The following MAD2L1BP variants were observed in gnomAD, a reference collection of about 807,000 sequenced individuals.
The protein encoded by MAD2L1BP is MAD2L1-binding protein.
MAD2L1BP carries 22 observed loss-of-function variants against 28.4 expected under a neutral mutation model. The observed-to-expected ratio is 0.77, with a 90% CI of 0.55 to 1.10. The LOEUF is 1.10. Among genes scored for constraint, MAD2L1BP ranks in the 50% least tolerant of loss-of-function variants. The pLI is 0.00. For synonymous variants in MAD2L1BP, 146 were observed against 133.7 expected (o/e 1.09, Z -0.63); for missense variants, 325 against 350.5 (o/e 0.93, Z 0.58).
At chr6:43,635,656 T>G (rs1250502191), upstream of MAD2L1BP, among the ~76,000 whole-genome samples, 1 of 152,246 alleles carries the variant, frequency 6.6e-6, no homozygotes, top group Non-Finnish European at 1.5e-5. Flanking sequence ...GGCTGAGAAC[T>G]CCTGGGTTCC....
upstream of MAD2L1BP, among the ~76,000 whole-genome samples, chr6:43,631,310 G>C (rs1769917483): frequency 6.6e-6 from 1 of 152,174 alleles, no homozygotes; most frequent in Non-Finnish European, 1.5e-5. Flanking sequence ...CTGCTGCTTA[G>C]AGACAGAGAC....
chr6:43,630,105 C>T (rs1302693874), intron 1 of MAD2L1BP, among the ~76,000 whole-genome samples: 2 of 152,192 alleles, frequency 1.3e-5, no homozygotes, highest in Non-Finnish European at 2.9e-5. Flanking sequence ...TCGGGCGGGG[C>T]TAGGGCTCGG....
intron 1 of MAD2L1BP, among the ~76,000 whole-genome samples, 162 bp from the exon 2 acceptor site, chr6:43,636,219 C>T (rs915942763): frequency 6.6e-6 from 1 of 152,206 alleles, no homozygotes; most frequent in Admixed American, 6.5e-5. Flanking sequence ...GATCAGGAAT[C>T]TCTCCCTGCC....
At chr6:43,635,391 G>A (rs562523497), upstream of MAD2L1BP, among the ~76,000 whole-genome samples, 161 of 152,264 alleles carry the variant, frequency 1.1e-3, no homozygotes, top group Non-Finnish European at 1.8e-3. Flanking sequence ...CTCCTTCCCA[G>A]CCCCTACCCT....
At position 43,636,493 on chromosome 6, in the gene MAD2L1BP, C is replaced by T; in HGVS notation, c.159C>T (p.Asp53=). ...LNASEAFCPR[D]CMVPVVFPGP... ...CTTCGGAGGCCTTTTGCCCAAGAGA[C>T]TGCATGGTACCAGTGGTGTTTCCTG... is the stretch of plus-strand genomic sequence containing the variant. Residue 53 remains aspartate (D), a synonymous_variant, in exon 2 of 3, where the codon GAC becomes GAT. Coordinates refer to ENST00000372171, the MANE Select transcript of MAD2L1BP (RefSeq NM_014628.3). 1 of 1,614,234 alleles carries T rather than the reference C, an allele frequency of 6.2e-7. No individual in the cohort carries two copies. The highest frequency in any genetic ancestry group is 8.5e-7 in the Non-Finnish European group (1 of 1,180,056).
chr6:43,630,016 G>A (rs972856871), intron 1 of MAD2L1BP, among the ~76,000 whole-genome samples: 24 of 152,210 alleles, frequency 1.6e-4, no homozygotes, highest in African/African-American at 5.3e-4. Context: ...CCTCCCCTTT[G>A]TTTTGAAGCA....
At chr6:43,639,026 A>G (rs1052441604) in intron 2 of MAD2L1BP, among the ~76,000 whole-genome samples, 13 of 152,050 alleles carry the variant, frequency 8.5e-5, no homozygotes, top group African/African-American at 3.1e-4. Flanking sequence ...TGCCTGTATC[A>G]CCACTTCCTA....
chr6:43,635,489 A>G (rs1296193215), upstream of MAD2L1BP, among the ~76,000 whole-genome samples: 3 of 152,234 alleles, frequency 2.0e-5, no homozygotes, highest in Non-Finnish European at 4.4e-5. Context: ...ATCTACAGGC[A>G]GTGAACCCCT....
At chr6:43,629,858 T>C (rs1769786369) in intron 1 of MAD2L1BP, 2 of 1,432,394 alleles carry the variant, frequency 1.4e-6, no homozygotes, top group Non-Finnish European at 1.9e-6. Context: ...TACCTTTACA[T>C]AGTAGTCACT....
chr6:43,636,677 G>A, intron 2 of MAD2L1BP, 31 bp downstream of exon 2: 1 of 1,601,268 alleles, frequency 6.2e-7, no homozygotes, highest in Admixed American at 1.7e-5. Flanking sequence ...CAAGTTGGTG[G>A]GAAGACTTTG....
intron 2 of MAD2L1BP, 151 bp from the exon 3 acceptor site, chr6:43,639,870 C>G (rs1770467960): frequency 5.8e-6 from 3 of 518,112 alleles, no homozygotes; most frequent in African/African-American, 3.8e-5. Flanking sequence ...ATAATACCCT[C>G]TGATAAAACA....
exon 1 of MAD2L1BP, chr6:43,629,703 G>A: frequency 6.5e-7 from 1 of 1,549,096 alleles, no homozygotes. Context: ...TGAGGCTACT[G>A]GTGCCGCCAG....
At chr6:43,636,170 C>T (rs781158601) in intron 1 of MAD2L1BP, among the ~76,000 whole-genome samples, 2 of 152,148 alleles carry the variant, frequency 1.3e-5, no homozygotes, top group Non-Finnish European at 2.9e-5. Context: ...GAAATCCCCC[C>T]ACTATCTTGC....
upstream of MAD2L1BP, chr6:43,635,771 G>A: frequency 8.3e-7 from 1 of 1,211,002 alleles, no homozygotes; most frequent in Non-Finnish European, 1.1e-6. Flanking sequence ...GCGACGCCGC[G>A]CCTTTTTTCC....
chr6:43,633,079 C>T, upstream of MAD2L1BP: 1 of 372,722 alleles, frequency 2.7e-6, no homozygotes, highest in Non-Finnish European at 5.2e-6. Flanking sequence ...TCCCTCTGCC[C>T]TTAAGCAATT....
rs1214696915 is a variant in MAD2L1BP at position 43,640,629 on chromosome 6, T to C, written c.*96T>C. 2.9e-6 allele frequency: 4 copies of C among 1,377,484 alleles called. No individual in the cohort carries two copies. Among genetic ancestry groups the C allele is most frequent in the Non-Finnish European group, 3.9e-6 (4 of 1,030,036 alleles). The allele number at this position is 1,377,484 out of a possible 1,614,324, so 85.3% of individuals were successfully genotyped here. A position where few individuals can be genotyped will look rare whatever the true frequency, so the allele number is the denominator to read the frequency against. On this transcript the variant is annotated 3_prime_UTR_variant, in exon 3 of 3. Coordinates refer to ENST00000372171, the MANE Select transcript of MAD2L1BP (RefSeq NM_014628.3). ...CTGGTTTGGAGCTAGAGTTGCTTCC[T>C]GGTGAGAGAGGAAGCAACTCTCCTT...
At chr6:43,639,580 C>T (rs1383958359) in intron 2 of MAD2L1BP, among the ~76,000 whole-genome samples, 1 of 152,146 alleles carries the variant, frequency 6.6e-6, no homozygotes, top group African/African-American at 2.4e-5. Context: ...TCTTTTCTCT[C>T]ATTTTGTAAT....
chr6:43,636,431 C>T lies in MAD2L1BP; in HGVS notation c.97C>T (p.Leu33=), dbSNP rs777329084. 3.7e-5 allele frequency: 59 copies of T among 1,614,002 alleles called. No individual in the cohort carries two copies. Among genetic ancestry groups the T allele is most frequent in the Non-Finnish European group, 4.9e-5 (58 of 1,180,018 alleles). Residue 33 remains leucine, a synonymous_variant, in exon 2 of 3, where the codon CTA becomes TTA. Transcript: ENST00000372171. ...SEETHASQIE[L]LETSSTQEPL... is the part of the protein sequence containing the mutation. ...AGAAACTCACGCCTCCCAGATAGAA[C>T]TACTTGAGACAAGCTCTACGCAGGA...
upstream of MAD2L1BP, among the ~76,000 whole-genome samples, chr6:43,632,003 G>C (rs918246644): frequency 6.6e-6 from 1 of 151,848 alleles, no homozygotes; most frequent in Non-Finnish European, 1.5e-5. Context: ...GGGTTCAAGC[G>C]ATTCTCCTGC....
Sources: gnomAD v4.1 joint callset for allele counts (sites outside exome capture counted in the v4.1 genomes callset) on GRCh38, gnomAD v4.1.1 for gene constraint, MANE v1.5 for transcripts, NCBI Gene and HGNC (gene_info 2026-07-23, HGNC 2026-07-21) for gene names.